CYP2C18: variants seen among roughly 807,000 people sequenced by gnomAD.
CYP2C18 encodes the protein cytochrome P450 family 2 subfamily C member 18.
In CYP2C18, 38 loss-of-function variants were observed where a neutral mutation model predicts 41.3. The observed-to-expected ratio is 0.92, with a 90% CI of 0.71 to 1.21. The LOEUF (loss-of-function observed/expected upper bound fraction) is 1.21. Among genes scored for constraint, CYP2C18 ranks in the 50% most tolerant of loss-of-function variants. The probability of loss-of-function intolerance (pLI) is 0.00; values close to 1 mark genes in which losing one functional copy is unlikely to be tolerated. For synonymous variants in CYP2C18, 236 were observed against 210.0 expected (o/e 1.12, Z -1.07); for missense variants, 635 against 591.4 (o/e 1.07, Z -0.77).
chr10:94,696,263 G>T (rs1253896703), intron 4 of CYP2C18, among the ~76,000 whole-genome samples: 2 of 152,086 alleles, frequency 1.3e-5, no homozygotes, highest in Non-Finnish European at 2.9e-5. Context: ...CACATGGCTG[G>T]GTACTCCTCT....
At chr10:94,733,524 G>A (rs1044906221) in intron 8 of CYP2C18, 86 bp downstream of exon 8, 2 of 1,570,470 alleles carry the variant, frequency 1.3e-6, no homozygotes, top group African/African-American at 2.7e-5. Flanking sequence ...CCACCTCTGA[G>A]GTTTGGCTGA....
rs1042192 is a variant in CYP2C18, at chr10:94,735,527, G to A, written c.*83G>A. The A allele has an allele frequency of 0.17, 226,372 of 1,339,058 alleles. 21,060 individuals are homozygous for A. The highest frequency in any genetic ancestry group is 0.33 in the South Asian group (26,391 of 80,804). The allele number at this position is 1,339,058 out of a possible 1,614,324, so 82.9% of individuals were successfully genotyped here. Reference sequence around the variant, plus strand: ...GGCCATTGGCCTCTCCCTTCTCTCTGTGAGGGATATTTTCTCTGACTTGTC... The same window carrying A: ...GGCCATTGGCCTCTCCCTTCTCTCTATGAGGGATATTTTCTCTGACTTGTC... On this transcript the variant is annotated 3_prime_UTR_variant, in exon 9 of 9. Transcript: ENST00000285979.
intron 5 of CYP2C18, among the ~76,000 whole-genome samples, chr10:94,715,111 C>T (rs1847515746): frequency 6.6e-6 from 1 of 152,182 alleles, no homozygotes. Flanking sequence ...AATATACAAT[C>T]ATGTCATCTA....
chr10:94,707,141 ATTGT>A (rs1847359958), intron 5 of CYP2C18, among the ~76,000 whole-genome samples, 181 bp downstream of exon 5: 1 of 152,174 alleles, frequency 6.6e-6, no homozygotes, highest in Non-Finnish European at 1.5e-5. Context: ...TGTGAGCACC[ATTGT>A]TAGGTACTAA....
chr10:94,695,933 G>A (rs981940395), intron 4 of CYP2C18, among the ~76,000 whole-genome samples: 1 of 152,132 alleles, frequency 6.6e-6, no homozygotes, highest in African/African-American at 2.4e-5. Flanking sequence ...TGAGGCTGGG[G>A]GAGGGGGGCC....
At chr10:94,721,743 G>A (rs1304314729) in intron 6 of CYP2C18, among the ~76,000 whole-genome samples, 2 of 152,024 alleles carry the variant, frequency 1.3e-5, no homozygotes, top group East Asian at 1.9e-4. Flanking sequence ...TTTGCACTTA[G>A]GATAATGGCT....
rs563879624 is a variant in CYP2C18, at chr10:94,702,353, G to A, written c.643-4431G>A. 4.6e-5 allele frequency among the ~76,000 whole-genome samples: 7 copies of A among 152,190 alleles called. No homozygotes were observed. The South Asian group carries it at 8.3e-4, about 18-fold the overall frequency. Reference sequence around the variant, plus strand: ...TTTCCAACTTGGTTCCATTCTCCCCGTCACTTTCAGATACACCAATCAAAC... The same window carrying A: ...TTTCCAACTTGGTTCCATTCTCCCCATCACTTTCAGATACACCAATCAAAC... On this transcript the variant is annotated intron_variant, in intron 4 of 8. Transcript: ENST00000285979.
intron 3 of CYP2C18, among the ~76,000 whole-genome samples, chr10:94,693,244 G>A (rs147949249): frequency 1.3e-5 from 2 of 152,134 alleles, no homozygotes; most frequent in African/African-American, 2.4e-5. Context: ...TTCATGAATA[G>A]TTTAGTACCA....
At chr10:94,693,830 T>C (rs1312946503) in intron 3 of CYP2C18, among the ~76,000 whole-genome samples, 1 of 152,186 alleles carries the variant, frequency 6.6e-6, no homozygotes, top group Admixed American at 6.5e-5. Flanking sequence ...GTAAAGTTCA[T>C]TGATGATTTG....
chr10:94,721,099 C>T (rs1176959870), intron 6 of CYP2C18, among the ~76,000 whole-genome samples: 3 of 151,758 alleles, frequency 2.0e-5, no homozygotes, highest in Admixed American at 6.6e-5. Flanking sequence ...CTGCAACCTC[C>T]GCCTCCCGGG....
At chr10:94,693,935 G>A (rs908555571) in intron 3 of CYP2C18, among the ~76,000 whole-genome samples, 1 of 152,112 alleles carries the variant, frequency 6.6e-6, no homozygotes, top group African/African-American at 2.4e-5. Context: ...AACTGTATCA[G>A]GGAGATAATA....
intron 7 of CYP2C18, among the ~76,000 whole-genome samples, 179 bp downstream of exon 7, chr10:94,724,712 A>G (rs1464191398): frequency 2.0e-5 from 3 of 151,996 alleles, no homozygotes; most frequent in Admixed American, 1.3e-4. Context: ...AACAGGTCTC[A>G]GTATCTAGCA....
At chr10:94,699,690 C>A (rs1176096642) in intron 4 of CYP2C18, among the ~76,000 whole-genome samples, 1 of 152,092 alleles carries the variant, frequency 6.6e-6, no homozygotes, top group African/African-American at 2.4e-5. Flanking sequence ...TAAAATTTTC[C>A]CTGTTTGCAG....
intron 5 of CYP2C18, among the ~76,000 whole-genome samples, chr10:94,715,406 C>G (rs1445158255): frequency 6.6e-6 from 1 of 152,140 alleles, no homozygotes; most frequent in African/African-American, 2.4e-5. Flanking sequence ...TGAATTTTGT[C>G]AAAGGCCTTT....
rs1439120140 is a variant in CYP2C18 at position 94,693,303 on chromosome 10, T to TAAAGTGTGTAGCAC, written c.482-1613_482-1600dup. On this transcript the variant is annotated intron_variant, in intron 3 of 8. Coordinates refer to ENST00000285979, the MANE Select transcript of CYP2C18 (RefSeq NM_000772.3). ...ATAGCAAGTGAGTTTTCATGAAATC[T>TAAAGTGTGTAGCAC]AAAGTGTGTAGCACCTCCCACCTCC... Among the ~76,000 whole-genome samples, 7 of 152,278 alleles carry TAAAGTGTGTAGCAC rather than the reference T, an allele frequency of 4.6e-5. No individual in the cohort carries two copies. In the East Asian group the frequency reaches 1.4e-3, roughly 29 times the overall value.
At chr10:94,721,654 C>G (rs965472440) in intron 6 of CYP2C18, among the ~76,000 whole-genome samples, 3 of 152,114 alleles carry the variant, frequency 2.0e-5, no homozygotes, top group Non-Finnish European at 4.4e-5. Context: ...TTATTCCACT[C>G]TGTATGTCTC....
At chr10:94,731,974 T>G (rs1411947587) in intron 7 of CYP2C18, among the ~76,000 whole-genome samples, 1 of 152,152 alleles carries the variant, frequency 6.6e-6, no homozygotes, top group Non-Finnish European at 1.5e-5. Flanking sequence ...TACTTAAAAT[T>G]GATAATTTAG....
At chr10:94,685,986 T>C (rs1263100602) in intron 1 of CYP2C18, among the ~76,000 whole-genome samples, 1 of 152,166 alleles carries the variant, frequency 6.6e-6, no homozygotes, top group Non-Finnish European at 1.5e-5. Flanking sequence ...TTGGGTAATA[T>C]GGACATTTTT....
intron 5 of CYP2C18, among the ~76,000 whole-genome samples, chr10:94,718,535 A>T (rs1450067945): frequency 7.2e-5 from 11 of 152,184 alleles, no homozygotes; most frequent in Admixed American, 6.6e-4. Context: ...TTATGGGAAA[A>T]TCCTTCAACT....
Sources: gnomAD v4.1 joint callset for allele counts (sites outside exome capture counted in the v4.1 genomes callset) on GRCh38, gnomAD v4.1.1 for gene constraint, MANE v1.5 for transcripts, NCBI Gene and HGNC (gene_info 2026-07-23, HGNC 2026-07-21) for gene names.